KIF5C: variants seen among roughly 807,000 people sequenced by gnomAD.
KIF5C encodes kinesin heavy chain isoform 5C.
A neutral mutation model predicts 125.2 loss-of-function variants in KIF5C; 18 were observed. The observed-to-expected ratio is 0.14, with a 90% CI of 0.10 to 0.21. KIF5C has a LOEUF of 0.21. KIF5C is among the 10% of genes least tolerant of loss of function. The pLI is 1.00. For synonymous variants in KIF5C, 405 were observed against 434.0 expected, an observed-to-expected ratio of 0.93 and a Z score of 0.83; for missense variants, 780 against 1,183.8, an observed-to-expected ratio of 0.66 and a Z score of 5.01.
rs1418897180 is a variant in KIF5C, at chr2:149,024,256, A to T, written c.*1186A>T. The T allele has an allele frequency of 1.3e-5, 2 of 152,560 alleles. No homozygotes were observed. Among genetic ancestry groups the T allele is most frequent in the South Asian group, 4.1e-4 (2 of 4,824 alleles). The allele number at this position is 152,560 out of a possible 1,614,324, so 9.5% of individuals were successfully genotyped here. The stretch of plus-strand genomic sequence containing the variant: ...TAAAGCTGAATCAACCCTTACTTCC[A>T]GTTGTGCTTATTAAGAAGATCAATT... On this transcript the variant is annotated 3_prime_UTR_variant, in exon 26 of 26. Coordinates refer to ENST00000435030, the MANE Select transcript of KIF5C (RefSeq NM_004522.3).
chr2:148,997,026 A>C (rs1263892748), intron 17 of KIF5C, among the ~76,000 whole-genome samples: 1 of 152,188 alleles, frequency 6.6e-6, no homozygotes, highest in Non-Finnish European at 1.5e-5. Context: ...ATTGTCCCCC[A>C]GTAAGCATTG....
At chr2:148,973,830 G>T (rs903176698) in intron 12 of KIF5C, among the ~76,000 whole-genome samples, 1 of 152,162 alleles carries the variant, frequency 6.6e-6, no homozygotes, top group Non-Finnish European at 1.5e-5. Context: ...TGATCTTTAA[G>T]TCTCCCTTTC....
intron 3 of KIF5C, among the ~76,000 whole-genome samples, chr2:148,933,843 A>G (rs941576040): frequency 1.3e-5 from 2 of 151,864 alleles, no homozygotes; most frequent in Non-Finnish European, 1.5e-5. Flanking sequence ...ACATGTACAC[A>G]CACAGACACA....
At position 149,024,637 on chromosome 2, in the gene KIF5C, C is replaced by G. The variant is rs1682638774; in HGVS notation, c.*1567C>G. ...ACAAAATTTCCCTAGCAAAGCAAAC[C>G]TGCTTTGACTTAATTTATTTGTTAA... On this transcript the variant is annotated 3_prime_UTR_variant, in exon 26 of 26. Coordinates refer to ENST00000435030, the MANE Select transcript of KIF5C (RefSeq NM_004522.3). 2.0e-5 allele frequency: 3 copies of G among 151,658 alleles called. No individual in the cohort carries two copies. Among genetic ancestry groups the G allele is most frequent in the Admixed American group, 2.0e-4 (3 of 15,178 alleles). The allele number at this position is 151,658 out of a possible 1,614,324, so 9.4% of individuals were successfully genotyped here.
chr2:149,012,167 A>G (rs73011359), intron 25 of KIF5C, among the ~76,000 whole-genome samples: 7,099 of 152,280 alleles, frequency 0.047, 422 homozygotes, highest in African/African-American at 0.14. Flanking sequence ...AGATATCTAG[A>G]TGAGTCCAGG....
At chr2:148,909,048 C>G (rs1023893450) in intron 1 of KIF5C, among the ~76,000 whole-genome samples, 1 of 152,184 alleles carries the variant, frequency 6.6e-6, no homozygotes, top group African/African-American at 2.4e-5. Flanking sequence ...TCTTTGCCTC[C>G]CAGGCACCAC....
chr2:149,012,582 A>C (rs4132027), intron 25 of KIF5C, among the ~76,000 whole-genome samples: 12,099 of 152,288 alleles, frequency 0.079, 631 homozygotes, highest in East Asian at 0.28. Context: ...TGGAGCCATC[A>C]CTCAGGGTCC....
In KIF5C at chr2:148,875,591, C is replaced by A. The variant is rs1558866671; in HGVS notation, c.-27C>A. 7.2e-6 allele frequency: 10 copies of A among 1,385,768 alleles called. No individual in the cohort carries two copies. The Admixed American group carries it at 1.8e-4, about 25-fold the overall frequency. 85.8% of individuals were successfully genotyped at this position (1,385,768 alleles called of 1,614,324 possible). ...CCGGCCCCGGCCCCCCACCCATCCC[C>A]GTGCCCCCTCCCTACCGCCGGCCGA... On this transcript the variant is annotated 5_prime_UTR_variant, in exon 1 of 26. Transcript: ENST00000435030.
At chr2:149,013,972 C>T (rs1682286668) in intron 25 of KIF5C, among the ~76,000 whole-genome samples, 1 of 152,024 alleles carries the variant, frequency 6.6e-6, no homozygotes, top group South Asian at 2.1e-4. Context: ...GCTCAATGTC[C>T]AGGTTTGTCA....
intron 24 of KIF5C, among the ~76,000 whole-genome samples, 193 bp from the exon 25 acceptor site, chr2:149,011,377 T>G (rs1044887671): frequency 6.6e-6 from 1 of 152,254 alleles, no homozygotes; most frequent in Non-Finnish European, 1.5e-5. Context: ...GTCCCCTAAA[T>G]ATTTGGATGC....
chr2:148,907,916 C>T (rs1558884439), intron 1 of KIF5C, among the ~76,000 whole-genome samples: 1 of 152,242 alleles, frequency 6.6e-6, no homozygotes, highest in Non-Finnish European at 1.5e-5. Context: ...AATTCCCAGT[C>T]ATTGGGGTCA....
At chr2:149,002,062 G>A (rs1361653903) in intron 21 of KIF5C, among the ~76,000 whole-genome samples, 1 of 152,226 alleles carries the variant, frequency 6.6e-6, no homozygotes, top group African/African-American at 2.4e-5. Flanking sequence ...CCTGTGGAGG[G>A]GGCTGCTGCC....
At chr2:148,944,873 G>A (rs1419817325) in intron 7 of KIF5C, among the ~76,000 whole-genome samples, 2 of 151,996 alleles carry the variant, frequency 1.3e-5, no homozygotes, top group Non-Finnish European at 2.9e-5. Flanking sequence ...TTTCATTGTG[G>A]TTTTGATTTG....
At chr2:148,993,777 C>T (rs932359752) in intron 16 of KIF5C, among the ~76,000 whole-genome samples, 4 of 152,112 alleles carry the variant, frequency 2.6e-5, no homozygotes, top group African/African-American at 4.8e-5. Flanking sequence ...ATTCATTTCA[C>T]GAATATTTAT....
At chr2:148,994,604 G>A (rs1468578787) in intron 17 of KIF5C, 66 bp downstream of exon 17, 1 of 1,511,380 alleles carries the variant, frequency 6.6e-7, no homozygotes, top group Non-Finnish European at 8.9e-7. Context: ...CTGGTTGGCT[G>A]GAATCATGAT....
chr2:148,875,371 GGGGCAGGGCCA>G lies in KIF5C; in HGVS notation c.-239_-229del. The G allele has an allele frequency of 2.5e-6, 1 of 403,950 alleles. No individual in the cohort carries two copies. Among genetic ancestry groups the G allele is most frequent in the Non-Finnish European group, 4.4e-6 (1 of 227,998 alleles). 25.0% of individuals were successfully genotyped at this position (403,950 alleles called of 1,614,324 possible). On this transcript the variant is annotated 5_prime_UTR_variant, in exon 1 of 26. Coordinates refer to ENST00000435030, the MANE Select transcript of KIF5C (RefSeq NM_004522.3). The stretch of plus-strand genomic sequence containing the variant: ...GGGCCGGGGGGCGCTGGGCAGGGGC[GGGGCAGGGCCA>G]GGGCAGGCCGGTCTGCAGCCGGAGG...
intron 15 of KIF5C, among the ~76,000 whole-genome samples, chr2:148,988,231 T>A (rs537472207): frequency 4.6e-5 from 7 of 152,172 alleles, no homozygotes; most frequent in Non-Finnish European, 7.3e-5. Context: ...TATATGAACT[T>A]TGTAGTGGTA....
At chr2:148,883,666 A>G (rs532129609) in intron 1 of KIF5C, 1 of 152,286 alleles carries the variant, frequency 6.6e-6, no homozygotes, top group South Asian at 2.1e-4. Context: ...TAGTATACTA[A>G]ACTAAATGCT....
chr2:149,005,324 T>C, intron 21 of KIF5C, 69 bp from the exon 22 acceptor site: 1 of 1,572,470 alleles, frequency 6.4e-7, no homozygotes, highest in Admixed American at 1.9e-5. Context: ...GGGGGAATGA[T>C]CTGGTGCCAA....
Sources: allele counts gnomAD v4.1 joint callset (sites outside exome capture counted in the v4.1 genomes callset), GRCh38; gene constraint gnomAD v4.1.1; transcripts MANE v1.5; gene names NCBI Gene and HGNC (gene_info 2026-07-23, HGNC 2026-07-21).